Variants in CNTNAP2 observed in about 807,000 individuals in gnomAD.
CNTNAP2 encodes the protein contactin-associated protein-like 2.
In CNTNAP2, 98 loss-of-function variants were observed where a neutral mutation model predicts 155.2. The ratio of observed to expected loss-of-function variants is 0.63; its 90% CI spans 0.54 to 0.75. The LOEUF is 0.75. CNTNAP2 is among the 30% of genes least tolerant of loss of function. The pLI, the probability that CNTNAP2 is intolerant of heterozygous loss-of-function variation, is 0.00. For synonymous variants in CNTNAP2, 651 were observed against 631.2 expected (o/e 1.03, Z -0.47); for missense variants, 1,727 against 1,688.1 (o/e 1.02, Z -0.40).
Position 147,195,646 on chromosome 7 carries a change from C to T in CNTNAP2, c.1348+63137C>T, listed in dbSNP as rs537857730. Among the ~76,000 whole-genome samples the T allele has an allele frequency of 7.9e-5, 12 of 152,066 alleles. No homozygotes were observed. The South Asian group carries it at 2.5e-3, about 32-fold the overall frequency. On this transcript the variant is annotated intron_variant, in intron 8 of 23. Transcript: ENST00000361727. ...AGAGGTCCTTCATGTCCCTTGTTAA[C>T]TATATTCCTAGGTATTTTATTCTCT...
intron 1 of CNTNAP2, among the ~76,000 whole-genome samples, chr7:146,611,994 G>T (rs1324752613): frequency 1.3e-5 from 2 of 152,074 alleles, no homozygotes; most frequent in Non-Finnish European, 2.9e-5. Context: ...CTTGTCCATC[G>T]ATGAGTCAAG....
chr7:148,405,412 C>T (rs1023160497), intron 22 of CNTNAP2, among the ~76,000 whole-genome samples: 1 of 118,664 alleles, frequency 8.4e-6, no homozygotes, highest in African/African-American at 3.7e-5. Flanking sequence ...AACCAGATTA[C>T]CATTGTAATT....
intron 18 of CNTNAP2, among the ~76,000 whole-genome samples, chr7:148,175,109 G>C (rs1163627893): frequency 6.6e-6 from 1 of 152,116 alleles, no homozygotes; most frequent in Non-Finnish European, 1.5e-5. Flanking sequence ...CAGCTGCATA[G>C]TATTCCATGT....
At chr7:146,683,328 C>A (rs1033891371) in intron 1 of CNTNAP2, among the ~76,000 whole-genome samples, 1 of 152,180 alleles carries the variant, frequency 6.6e-6, no homozygotes, top group Non-Finnish European at 1.5e-5. Flanking sequence ...CCACCATGCA[C>A]GGCCAAGTCG....
intron 12 of CNTNAP2, among the ~76,000 whole-genome samples, chr7:147,605,732 G>T (rs936752479): frequency 2.0e-5 from 3 of 152,018 alleles, no homozygotes; most frequent in East Asian, 1.9e-4. Flanking sequence ...TGCGCTTTTG[G>T]GGGAGAAAGA....
intron 1 of CNTNAP2, among the ~76,000 whole-genome samples, chr7:146,187,412 A>G (rs1798639848): frequency 6.6e-6 from 1 of 152,164 alleles, no homozygotes; most frequent in Non-Finnish European, 1.5e-5. Flanking sequence ...AGAAAATGGC[A>G]TGGGCCACAA....
intron 3 of CNTNAP2, among the ~76,000 whole-genome samples, chr7:146,938,342 A>C (rs10268255): frequency 0.38 from 56,801 of 151,102 alleles, 11,171 homozygotes; most frequent in Middle Eastern, 0.44. Flanking sequence ...GTTTATATAT[A>C]TCTCTCTGTA....
chr7:147,837,625 G>A (rs1798654663), intron 13 of CNTNAP2, among the ~76,000 whole-genome samples: 1 of 152,108 alleles, frequency 6.6e-6, no homozygotes, highest in Admixed American at 6.6e-5. Context: ...CTATGAGCCA[G>A]TAAAACCAAA....
At chr7:147,263,958 AG>A (rs758336343) in intron 8 of CNTNAP2, among the ~76,000 whole-genome samples, 1 of 152,228 alleles carries the variant, frequency 6.6e-6, no homozygotes, top group African/African-American at 2.4e-5. Context: ...ATTTGGCATG[AG>A]GTGCTCAGGA....
chr7:148,128,281 T>A (rs1445422536), intron 16 of CNTNAP2, among the ~76,000 whole-genome samples: 2 of 152,172 alleles, frequency 1.3e-5, no homozygotes, highest in African/African-American at 4.8e-5. Context: ...CAATTTATAT[T>A]CAACATTTGG....
At chr7:148,415,368 G>A (rs1418900964) in intron 23 of CNTNAP2, 49 bp from the exon 24 acceptor site, 1 of 1,593,850 alleles carries the variant, frequency 6.3e-7, no homozygotes, top group Non-Finnish European at 8.6e-7. Context: ...AGTGTTGGAG[G>A]GACTCCCAAG....
At chr7:147,402,239 G>A (rs1584927278) in intron 10 of CNTNAP2, among the ~76,000 whole-genome samples, 2 of 152,208 alleles carry the variant, frequency 1.3e-5, no homozygotes, top group South Asian at 2.1e-4. Context: ...CATGGCTTGG[G>A]TCAGAGTCAG....
In CNTNAP2 at chr7:146,133,868, G is replaced by T. The variant is rs1472775121; in HGVS notation, c.97+16895G>T. Among the ~76,000 whole-genome samples, 64 of 152,028 alleles carry T rather than the reference G, an allele frequency of 4.2e-4. 2 individuals are homozygous for T. The highest frequency in any genetic ancestry group is 1.3e-3 in the Admixed American group (20 of 15,244). ...AGTGTGATGCCTCCAGCTTTGTTCT[G>T]TTGGCTTAGGATTGACTTGGCGATG... On this transcript the variant is annotated intron_variant, in intron 1 of 23. Coordinates refer to ENST00000361727, the MANE Select transcript of CNTNAP2 (RefSeq NM_014141.6).
intron 8 of CNTNAP2, among the ~76,000 whole-genome samples, chr7:147,194,587 T>C (rs1802746013): frequency 6.6e-6 from 1 of 152,184 alleles, no homozygotes; most frequent in Non-Finnish European, 1.5e-5. Flanking sequence ...CCAGCATCTA[T>C]TGTTTCCTGA....
At chr7:147,201,399 CA>C (rs1563114051) in intron 8 of CNTNAP2, among the ~76,000 whole-genome samples, 2 of 152,170 alleles carry the variant, frequency 1.3e-5, no homozygotes, top group Non-Finnish European at 2.9e-5. Flanking sequence ...TTAACCGAGA[CA>C]ATGGGAATGA....
intron 8 of CNTNAP2, among the ~76,000 whole-genome samples, chr7:147,269,422 C>T (rs1804689755): frequency 6.6e-6 from 1 of 152,034 alleles, no homozygotes; most frequent in East Asian, 1.9e-4. Context: ...GCAATCCAGA[C>T]CCTGTAACAT....
intron 3 of CNTNAP2, among the ~76,000 whole-genome samples, chr7:146,975,433 C>T (rs1193093723): frequency 6.6e-6 from 1 of 152,076 alleles, no homozygotes; most frequent in African/African-American, 2.4e-5. Flanking sequence ...CCACTGCACT[C>T]CAGCCTAGGC....
chr7:147,837,851 A>G (rs1798658697), intron 13 of CNTNAP2, among the ~76,000 whole-genome samples: 1 of 152,180 alleles, frequency 6.6e-6, no homozygotes, highest in Non-Finnish European at 1.5e-5. Flanking sequence ...AGCCTTGGGC[A>G]GCTCTGTCCC....
intron 1 of CNTNAP2, among the ~76,000 whole-genome samples, chr7:146,458,838 C>T (rs1027177742): frequency 6.6e-6 from 1 of 152,100 alleles, no homozygotes; most frequent in Non-Finnish European, 1.5e-5. Flanking sequence ...AAGAATTCTC[C>T]TTCACAATGC....
Sources: allele counts gnomAD v4.1 joint callset (sites outside exome capture counted in the v4.1 genomes callset), GRCh38; gene constraint gnomAD v4.1.1; transcripts MANE v1.5; gene names NCBI Gene and HGNC (gene_info 2026-07-23, HGNC 2026-07-21).